Variants in TEKTIP1 observed in about 807,000 individuals in gnomAD.
TEKTIP1 encodes the protein tektin bundle-interacting protein 1.
chr19:3,539,975 G>A, the TEKTIP1 span: 6 of 152,142 alleles, frequency 3.9e-5, no homozygotes, highest in African/African-American at 1.4e-4. Context: ...ATGGTGGCTG[G>A]GCATGGTGGC....
the TEKTIP1 span, chr19:3,541,662 G>A: frequency 2.0e-6 from 2 of 985,286 alleles, no homozygotes; most frequent in Non-Finnish European, 2.4e-6. Context: ...GAGATGCAGT[G>A]AATGGGCTCC....
chr19:3,542,985 C>T, the TEKTIP1 span: 37,160 of 1,578,590 alleles, frequency 0.024, 3,190 homozygotes, highest in East Asian at 0.3. Flanking sequence ...AAGCTGAGAA[C>T]AGAAAGGTTT....
At chr19:3,540,120 G>T in the TEKTIP1 span, 1 of 122,986 alleles carries the variant, frequency 8.1e-6, no homozygotes, top group Non-Finnish European at 1.6e-5. Context: ...TTTTGAGACA[G>T]TCTCATACTG....
chr19:3,542,791 C>A, the TEKTIP1 span: 3 of 1,369,376 alleles, frequency 2.2e-6, no homozygotes, highest in Non-Finnish European at 2.9e-6. Flanking sequence ...CTAGTGGGTC[C>A]CCCAGTCTTC....
At chr19:3,543,887 C>T in the TEKTIP1 span, 4 of 1,550,832 alleles carry the variant, frequency 2.6e-6, no homozygotes, top group East Asian at 2.4e-5. Context: ...ACTACGTGCC[C>T]TCCCTGTCGG....
the TEKTIP1 span, among the ~76,000 whole-genome samples, chr19:3,541,124 AG>A: frequency 7.3e-6 from 1 of 136,766 alleles, no homozygotes; most frequent in African/African-American, 2.8e-5. Context: ...AGCCGAGATC[AG>A]GCCACTGCAC....
chr19:3,543,579 C>T, the TEKTIP1 span: 8 of 1,542,074 alleles, frequency 5.2e-6, no homozygotes, highest in Non-Finnish European at 7.0e-6. Flanking sequence ...CTGCGGGAGA[C>T]CGCCTGGCAT....
At chr19:3,543,337 G>A in the TEKTIP1 span, 3 of 1,549,538 alleles carry the variant, frequency 1.9e-6, no homozygotes, top group South Asian at 1.2e-5. Context: ...CCGGCCAGCT[G>A]TGGTACACAG....
chr19:3,543,823 C>T, the TEKTIP1 span: 6 of 1,522,672 alleles, frequency 3.9e-6, no homozygotes, highest in South Asian at 2.5e-5. Context: ...CGAGTCCCAC[C>T]TACAGTGCTC....
chr19:3,541,357 C>T, the TEKTIP1 span, among the ~76,000 whole-genome samples: 1 of 150,850 alleles, frequency 6.6e-6, no homozygotes, highest in Admixed American at 6.6e-5. Context: ...GGGTCTCGCT[C>T]GGTTGCCCAG....
the TEKTIP1 span, chr19:3,543,902 C>G: frequency 6.4e-7 from 1 of 1,551,088 alleles, no homozygotes; most frequent in Non-Finnish European, 8.7e-7. Flanking sequence ...TGTCGGCACC[C>G]CAGCGCCCGC....
At chr19:3,543,489 C>CG in the TEKTIP1 span, 15 of 1,520,944 alleles carry the variant, frequency 9.9e-6, no homozygotes, top group African/African-American at 1.4e-5. Context: ...TGCCCCCCCC[C>CG]CCGCCCTGGG....
At chr19:3,541,474 C>T in the TEKTIP1 span, 1 of 163,274 alleles carries the variant, frequency 6.1e-6, no homozygotes, top group Non-Finnish European at 1.3e-5. Flanking sequence ...AGGCACCCAC[C>T]ACCACGCCCG....
At chr19:3,539,489 C>G in the TEKTIP1 span, 2 of 536,446 alleles carry the variant, frequency 3.7e-6, no homozygotes, top group Non-Finnish European at 6.7e-6. Context: ...TGTCTGCGGC[C>G]GTCTCCAAGG....
the TEKTIP1 span, chr19:3,543,882 G>C: frequency 2.6e-6 from 4 of 1,550,504 alleles, no homozygotes; most frequent in Non-Finnish European, 3.5e-6. Context: ...ATCAGACTAC[G>C]TGCCCTCCCT....
the TEKTIP1 span, chr19:3,542,031 A>T: frequency 1.6e-6 from 1 of 634,166 alleles, no homozygotes; most frequent in East Asian, 1.4e-4. Context: ...GCTGGTCTCG[A>T]ACTCCTGACC....
chr19:3,543,814 G>C, the TEKTIP1 span: 1 of 1,509,600 alleles, frequency 6.6e-7, no homozygotes, highest in Non-Finnish European at 8.9e-7. Flanking sequence ...ATGGTGACCC[G>C]AGTCCCACCT....
chr19:3,543,510 G>T, the TEKTIP1 span: 2 of 1,461,946 alleles, frequency 1.4e-6, no homozygotes, highest in South Asian at 1.2e-5. Context: ...CAGCGGGCCT[G>T]CCAGAGGGGG....
the TEKTIP1 span, chr19:3,542,896 G>T: frequency 1.4e-6 from 2 of 1,414,138 alleles, no homozygotes; most frequent in Non-Finnish European, 1.9e-6. Context: ...TGTGGGTCTT[G>T]GAGGCTGGAC....
Sources: gnomAD v4.1 joint callset for allele counts (sites outside exome capture counted in the v4.1 genomes callset) on GRCh38, gnomAD v4.1.1 for gene constraint, MANE v1.5 for transcripts, NCBI Gene and HGNC (gene_info 2026-07-23, HGNC 2026-07-21) for gene names.